Variants in RBMS2 observed in about 807,000 individuals in gnomAD.
RBMS2 encodes the protein RNA-binding motif, single-stranded-interacting protein 2.
In RBMS2, 38 loss-of-function variants were observed where a neutral mutation model predicts 58.4. The ratio of observed to expected loss-of-function variants is 0.65; its 90% CI spans 0.50 to 0.85. The LOEUF (loss-of-function observed/expected upper bound fraction) is 0.85, where lower values mean the gene tolerates loss of function less well. RBMS2 is among the 40% of genes least tolerant of loss of function. The probability of loss-of-function intolerance (pLI) is 0.00; values close to 1 mark genes in which losing one functional copy is unlikely to be tolerated. For synonymous variants in RBMS2, 151 were observed against 180.7 expected (o/e 0.84, Z 1.32); for missense variants, 367 against 503.7 (o/e 0.73, Z 2.60).
intron 5 of RBMS2, chr12:56,580,255 C>T: frequency 3.0e-6 from 1 of 336,458 alleles, no homozygotes. Flanking sequence ...TTTTTTAACA[C>T]AGATTCTCGC....
chr12:56,575,781 C>T (rs1883037289), intron 5 of RBMS2, among the ~76,000 whole-genome samples: 3 of 151,924 alleles, frequency 2.0e-5, no homozygotes, highest in Non-Finnish European at 1.5e-5. Flanking sequence ...GTAATCCCAG[C>T]TACTCAGGAG....
At chr12:56,530,605 C>A (rs799261) in intron 1 of RBMS2, among the ~76,000 whole-genome samples, 12 of 151,966 alleles carry the variant, frequency 7.9e-5, no homozygotes, top group Admixed American at 7.9e-4. Flanking sequence ...AGTGATTCTC[C>A]CACCTCAGCC....
chr12:56,571,799 C>G lies in RBMS2; in HGVS notation c.486C>G (p.Ile162Met), dbSNP rs762504244. 1 of 1,601,582 alleles carries G rather than the reference C, an allele frequency of 6.2e-7. No individual in the cohort carries two copies. The highest frequency in any genetic ancestry group is 1.3e-5 in the African/African-American group (1 of 74,640). ...TGCTGAAGCCCTTTGGCCAGGTTAT[C>G]TCCACCCGTATCCTTCGAGATACCA... ...EGMLKPFGQV[I>M]STRILRDTSG... Residue 162 changes from isoleucine to methionine, a missense_variant, in exon 5 of 14, where the codon ATC (isoleucine) becomes ATG (methionine). This residue lies in a region of RBMS2 where 54 missense variants were observed against 110.4 expected (regional missense o/e 0.49). Coordinates refer to ENST00000262031, the MANE Select transcript of RBMS2 (RefSeq NM_002898.4).
At position 56,593,670 on chromosome 12, in the gene RBMS2, C is replaced by T. The variant is rs1272982516; in HGVS notation, c.*4537C>T. ...CAAGCAGTTCTCCTGCCTCAGCCTC[C>T]TGAGTAGCTGGGATTACAGGTGCCT... is the stretch of plus-strand genomic sequence containing the variant. On this transcript the variant is annotated 3_prime_UTR_variant, in exon 14 of 14. Transcript: ENST00000262031. 6.6e-6 allele frequency: 1 copy of T among 152,312 alleles called. No homozygotes were observed. The highest frequency in any genetic ancestry group is 1.5e-5 in the Non-Finnish European group (1 of 68,190). 9.4% of individuals were successfully genotyped at this position (152,312 alleles called of 1,614,324 possible).
At chr12:56,570,319 G>T (rs919999914) in intron 4 of RBMS2, among the ~76,000 whole-genome samples, 3 of 152,116 alleles carry the variant, frequency 2.0e-5, no homozygotes, top group Non-Finnish European at 2.9e-5. Flanking sequence ...AGCTTGTGGT[G>T]GTTTTGCAAC....
At chr12:56,528,478 T>C (rs2136240042) in intron 1 of RBMS2, among the ~76,000 whole-genome samples, 1 of 152,136 alleles carries the variant, frequency 6.6e-6, no homozygotes, top group African/African-American at 2.4e-5. Flanking sequence ...TTGATTAAGA[T>C]GTAGAGCAGA....
At chr12:56,575,919 G>T (rs898202541) in intron 5 of RBMS2, among the ~76,000 whole-genome samples, 2 of 151,730 alleles carry the variant, frequency 1.3e-5, no homozygotes, top group Non-Finnish European at 2.9e-5. Flanking sequence ...AAATAGAGTG[G>T]TCCCCCCTTA....
rs59905092 is a variant in RBMS2 at position 56,535,494 on chromosome 12, CA to C, written c.66+13425del. Among the ~76,000 whole-genome samples the C allele has an allele frequency of 7.7e-3, 748 of 97,714 alleles. 8 individuals are homozygous for C. Among genetic ancestry groups the C allele is most frequent in the African/African-American group, 0.026 (611 of 23,900 alleles). 64.1% of individuals were successfully genotyped at this position (97,714 alleles called of 152,430 possible). The stretch of plus-strand genomic sequence containing the variant: ...TGGGTGACAGAGGGAGACTCCATCT[CA>C]AAAAAAAAAAAAAAAAAAATTTATA... On this transcript the variant is annotated intron_variant, in intron 1 of 13. Coordinates refer to ENST00000262031, the MANE Select transcript of RBMS2 (RefSeq NM_002898.4).
intron 4 of RBMS2, 84 bp downstream of exon 4, chr12:56,570,074 A>G: frequency 7.8e-7 from 1 of 1,289,064 alleles, no homozygotes; most frequent in Non-Finnish European, 1.1e-6. Flanking sequence ...CAGAGGGCTT[A>G]AGAACCATGA....
chr12:56,538,463 T>G (rs1875375739), intron 1 of RBMS2, among the ~76,000 whole-genome samples: 2 of 132,470 alleles, frequency 1.5e-5, no homozygotes, highest in Non-Finnish European at 3.1e-5. Context: ...GTAGTACTGA[T>G]ATCTTTTTTT....
intron 1 of RBMS2, among the ~76,000 whole-genome samples, chr12:56,553,368 G>A (rs138434601): frequency 1.4e-3 from 200 of 148,128 alleles, no homozygotes; most frequent in African/African-American, 4.5e-3. Flanking sequence ...TTATTCTGTC[G>A]CCCAGGCTGG....
chr12:56,555,457 GGAA>G (rs990783494), intron 1 of RBMS2, among the ~76,000 whole-genome samples: 6 of 146,736 alleles, frequency 4.1e-5, no homozygotes, highest in African/African-American at 7.8e-5. Flanking sequence ...AAAAAAAAAA[GGAA>G]GAAGAAGACC....
At chr12:56,569,372 G>T (rs1222856438) in intron 3 of RBMS2, among the ~76,000 whole-genome samples, 1 of 152,126 alleles carries the variant, frequency 6.6e-6, no homozygotes, top group East Asian at 1.9e-4. Flanking sequence ...TTTTTGGGGA[G>T]TGTTTTGGTG....
intron 1 of RBMS2, among the ~76,000 whole-genome samples, chr12:56,552,076 G>A (rs1217420198): frequency 1.3e-5 from 2 of 152,180 alleles, no homozygotes; most frequent in Non-Finnish European, 1.5e-5. Flanking sequence ...GACAGAGGAA[G>A]GCATGAAAAG....
intron 9 of RBMS2, among the ~76,000 whole-genome samples, chr12:56,584,794 A>G (rs1018900209): frequency 6.6e-6 from 1 of 151,636 alleles, no homozygotes; most frequent in Non-Finnish European, 1.5e-5. Context: ...CAAAAAATAA[A>G]TAAATAAATA....
In RBMS2 at chr12:56,569,687, T is replaced by C. The variant is rs575740260; in HGVS notation, c.293-212T>C. ...AGGGAGAAGGGCAGGGACACCAGAG[T>C]AGCTCATTGCCTTGGCATTCTTAGC... On this transcript the variant is annotated intron_variant, in intron 3 of 13. Coordinates refer to ENST00000262031, the MANE Select transcript of RBMS2 (RefSeq NM_002898.4). Among the ~76,000 whole-genome samples the C allele has an allele frequency of 2.6e-5, 4 of 152,186 alleles. No homozygotes were observed. The South Asian group carries it at 8.3e-4, about 32-fold the overall frequency.
intron 1 of RBMS2, among the ~76,000 whole-genome samples, chr12:56,561,650 G>A (rs1186460058): frequency 2.0e-5 from 3 of 150,846 alleles, no homozygotes; most frequent in Non-Finnish European, 2.9e-5. Flanking sequence ...GGGATTATAG[G>A]CGAGTGCCAC....
chr12:56,575,647 C>T (rs1471454373), intron 5 of RBMS2, among the ~76,000 whole-genome samples: 1 of 151,708 alleles, frequency 6.6e-6, no homozygotes, highest in African/African-American at 2.4e-5. Flanking sequence ...GTAATCCCAA[C>T]ACTTTGGGAA....
intron 1 of RBMS2, among the ~76,000 whole-genome samples, chr12:56,541,973 A>AT (rs1876169969): frequency 6.6e-6 from 1 of 152,228 alleles, no homozygotes; most frequent in Non-Finnish European, 1.5e-5. Flanking sequence ...TAAAATAAAC[A>AT]TAAAAAATTT....
Sources: gnomAD v4.1 joint callset for allele counts (sites outside exome capture counted in the v4.1 genomes callset) on GRCh38, gnomAD v4.1.1 for gene constraint, gnomAD v4.1.1 regional missense constraint, MANE v1.5 for transcripts, NCBI Gene and HGNC (gene_info 2026-07-23, HGNC 2026-07-21) for gene names.